The following CHRM5 variants were observed in gnomAD, a reference collection of about 807,000 sequenced individuals.
CHRM5 encodes muscarinic acetylcholine receptor M5.
CHRM5 carries 18 observed loss-of-function variants against 39.0 expected under a neutral mutation model. The observed-to-expected ratio is 0.46, with a 90% confidence interval of 0.32 to 0.68. The LOEUF is 0.68. Ranked by LOEUF, CHRM5 falls within the 30% of genes least tolerant of loss-of-function variation. The pLI, the probability that CHRM5 is intolerant of heterozygous loss-of-function variation, is 0.04. For synonymous variants in CHRM5, 241 were observed against 246.3 expected (o/e 0.98, Z 0.20); for missense variants, 515 against 651.1 (o/e 0.79, Z 2.28).
intron 1 of CHRM5, among the ~76,000 whole-genome samples, chr15:33,977,852 G>T (rs1895950972): frequency 6.6e-6 from 1 of 152,068 alleles, no homozygotes; most frequent in Non-Finnish European, 1.5e-5. Flanking sequence ...CAGGAGGATT[G>T]CTTGAGCCCA....
intron 1 of CHRM5, among the ~76,000 whole-genome samples, chr15:34,007,478 T>C (rs1315492853): frequency 6.6e-6 from 1 of 152,160 alleles, no homozygotes; most frequent in Admixed American, 6.5e-5. Context: ...TCCATTAACA[T>C]GTTCCTCATT....
chr15:34,063,323 C>T lies in CHRM5; in HGVS notation c.606C>T (p.Phe202=), dbSNP rs746811749. 40 of 1,614,058 alleles carry T rather than the reference C, an allele frequency of 2.5e-5. No individual in the cohort carries two copies. The highest frequency in any genetic ancestry group is 4.5e-5 in the East Asian group (2 of 44,894). ...TITFGTAIAA[F]YIPVSVMTIL... is the part of the protein sequence containing the mutation. ...CTTTTGGCACTGCCATTGCTGCCTTCTACATCCCTGTTTCTGTCATGACCA... is the reference window on the plus strand; with the variant it reads ...CTTTTGGCACTGCCATTGCTGCCTTTTACATCCCTGTTTCTGTCATGACCA... The change falls in exon 3 of 3, where the codon TTC becomes TTT. Residue 202 remains phenylalanine (F), a synonymous_variant. Coordinates refer to ENST00000383263, the MANE Select transcript of CHRM5 (RefSeq NM_012125.4). This position sits in a 1 kb window ranked among gnomAD's most constrained non-coding sequence, Gnocchi z 4.1.
At chr15:33,981,435 A>AAAC (rs5811809) in intron 1 of CHRM5, among the ~76,000 whole-genome samples, 116,361 of 151,808 alleles carry the variant, frequency 0.77, 47,655 homozygotes, top group Non-Finnish European at 0.92. Flanking sequence ...GCACCAAACT[A>AAAC]AACATAACCA....
intron 1 of CHRM5, among the ~76,000 whole-genome samples, chr15:34,014,380 A>C (rs1423476647): frequency 8.4e-6 from 1 of 118,768 alleles, no homozygotes; most frequent in Non-Finnish European, 1.8e-5. Flanking sequence ...AAAAAAAAAA[A>C]AAAACAAAAA....
chr15:33,997,601 C>T (rs1010945240), intron 1 of CHRM5, among the ~76,000 whole-genome samples: 2 of 152,190 alleles, frequency 1.3e-5, no homozygotes, highest in African/African-American at 4.8e-5. Context: ...CTCCAACTCA[C>T]ACTTTCTCAA....
intron 2 of CHRM5, among the ~76,000 whole-genome samples, chr15:34,056,801 G>A (rs539204521): frequency 2.0e-5 from 3 of 152,104 alleles, no homozygotes; most frequent in Non-Finnish European, 4.4e-5. Context: ...CAGATCACTT[G>A]AGGCCAGGAG....
In CHRM5 at chr15:33,991,614, A is replaced by C. The variant is rs2140570868; in HGVS notation, c.-408+22464A>C. On this transcript the variant is annotated intron_variant, in intron 1 of 2. Coordinates refer to ENST00000383263, the MANE Select transcript of CHRM5 (RefSeq NM_012125.4). ...ATAATGTGACCTGTAGAAAGCACCC[A>C]CATATCCTTTTCTCAAATCATGGGG... 1.3e-5 allele frequency: 2 copies of C among 152,350 alleles called. 1 individual carries two copies. The highest frequency in any genetic ancestry group is 3.9e-4 in the East Asian group (2 of 5,188). 9.4% of individuals were successfully genotyped at this position (152,350 alleles called of 1,614,324 possible).
intron 1 of CHRM5, chr15:34,038,933 G>A (rs1328581590): frequency 9.4e-7 from 1 of 1,064,778 alleles, no homozygotes; most frequent in Non-Finnish European, 1.1e-6. Context: ...CTCCGCCGCC[G>A]CCTCTGGCTA....
chr15:33,995,206 G>A (rs1454548290), intron 1 of CHRM5, among the ~76,000 whole-genome samples: 1 of 152,168 alleles, frequency 6.6e-6, no homozygotes, highest in Non-Finnish European at 1.5e-5. Flanking sequence ...CAAGGCTGCA[G>A]TGAGCTATGA....
intron 1 of CHRM5, among the ~76,000 whole-genome samples, chr15:34,032,489 G>A (rs1023247428): frequency 6.6e-6 from 1 of 152,074 alleles, no homozygotes; most frequent in Non-Finnish European, 1.5e-5. Context: ...GACAAAACCT[G>A]GAAACCATAT....
chr15:34,046,923 T>C (rs1899710823), intron 2 of CHRM5, 52 bp downstream of exon 2: 1 of 152,326 alleles, frequency 6.6e-6, no homozygotes, highest in South Asian at 2.1e-4. Flanking sequence ...CCACAGGTCT[T>C]TGCAACCCAT....
At position 34,025,291 on chromosome 15, in the gene CHRM5, C is replaced by G. The variant is rs142806282; in HGVS notation, c.-407-21249C>G. Among the ~76,000 whole-genome samples the G allele has an allele frequency of 3.3e-3, 500 of 152,238 alleles. 1 individual carries two copies. The highest frequency in any genetic ancestry group is 0.012 in the African/African-American group (485 of 41,528). ...TGCAAACTATAGAAACCAACTCTGG[C>G]TAATTTAGGTAGAAAAGGAATTTAC... is the stretch of plus-strand genomic sequence containing the variant. On this transcript the variant is annotated intron_variant, in intron 1 of 2. Transcript: ENST00000383263.
At chr15:33,986,521 G>C (rs1211394459) in intron 1 of CHRM5, among the ~76,000 whole-genome samples, 2 of 152,154 alleles carry the variant, frequency 1.3e-5, no homozygotes, top group Non-Finnish European at 2.9e-5. Context: ...TAGAAAGTAA[G>C]AGGTAAAGAA....
intron 1 of CHRM5, among the ~76,000 whole-genome samples, chr15:33,977,189 T>C (rs1353199593): frequency 6.6e-6 from 1 of 152,054 alleles, no homozygotes; most frequent in East Asian, 1.9e-4. Context: ...ACACAAAATA[T>C]ACATTTAAAG....
At chr15:33,994,275 G>A (rs964070271) in intron 1 of CHRM5, among the ~76,000 whole-genome samples, 1 of 152,180 alleles carries the variant, frequency 6.6e-6, no homozygotes, top group African/African-American at 2.4e-5. Flanking sequence ...AACTGCACAT[G>A]CAAGGGATCC....
intron 1 of CHRM5, among the ~76,000 whole-genome samples, chr15:34,016,540 A>G (rs1897920807): frequency 1.3e-5 from 2 of 152,048 alleles, no homozygotes; most frequent in East Asian, 3.9e-4. Context: ...TCTCAGCAAT[A>G]TTTATCTCCT....
intron 1 of CHRM5, among the ~76,000 whole-genome samples, chr15:34,004,181 G>A (rs1897243004): frequency 6.6e-6 from 1 of 152,166 alleles, no homozygotes; most frequent in African/African-American, 2.4e-5. Flanking sequence ...AGAAAAGCTT[G>A]GGTATAAAAA....
Position 34,002,967 on chromosome 15 carries a change from CAT to C in CHRM5, c.-408+33823_-408+33824del, listed in dbSNP as rs1897194728. The C allele has an allele frequency of 4.4e-6, 6 of 1,356,308 alleles. No individual in the cohort carries two copies. In the Admixed American group the frequency reaches 1.4e-4, roughly 32 times the overall value. The allele number at this position is 1,356,308 out of a possible 1,614,324, so 84.0% of individuals were successfully genotyped here. On this transcript the variant is annotated intron_variant, in intron 1 of 2. Transcript: ENST00000383263. ...TAGTTATAAAAGTAGAATTTAAAAA[CAT>C]ATATAAAATGTCTGTGCAACTTTCA...
chr15:34,023,760 T>C (rs116573821), intron 1 of CHRM5, among the ~76,000 whole-genome samples: 2,171 of 152,312 alleles, frequency 0.014, 49 homozygotes, highest in African/African-American at 0.048. Context: ...CAGCTGCTTA[T>C]TGTGTGCTGC....
Sources: allele counts gnomAD v4.1 joint callset (sites outside exome capture counted in the v4.1 genomes callset), GRCh38; gene constraint gnomAD v4.1.1; non-coding constraint Gnocchi (gnomAD v3.1); transcripts MANE v1.5; gene names NCBI Gene and HGNC (gene_info 2026-07-23, HGNC 2026-07-21).